Variants in MEI1 observed in about 807,000 individuals in gnomAD.
MEI1 encodes meiosis inhibitor protein 1.
A neutral mutation model predicts 146.2 loss-of-function variants in MEI1; 103 were observed. The ratio of observed to expected loss-of-function variants is 0.70; its 90% confidence interval spans 0.60 to 0.83. The LOEUF (loss-of-function observed/expected upper bound fraction) is 0.83, where lower values mean the gene tolerates loss of function less well. MEI1 is among the 40% of genes least tolerant of loss of function. The probability of loss-of-function intolerance (pLI) is 0.00; values close to 1 mark genes in which losing one functional copy is unlikely to be tolerated. For synonymous variants in MEI1, 652 were observed against 628.2 expected, an observed-to-expected ratio of 1.04 and a Z score of -0.57; for missense variants, 1,529 against 1,533.0, an observed-to-expected ratio of 1.00 and a Z score of 0.04.
chr22:41,749,726 A>G (rs146446034), intron 15 of MEI1, among the ~76,000 whole-genome samples: 2 of 152,204 alleles, frequency 1.3e-5, no homozygotes, highest in African/African-American at 2.4e-5. Flanking sequence ...AGCCTCTTGC[A>G]TTAACTCAGG....
chr22:41,754,054 G>T lies in MEI1; in HGVS notation c.1951+8G>T, dbSNP rs1040710131. 1 of 1,599,286 alleles carries T rather than the reference G, an allele frequency of 6.3e-7. No individual in the cohort carries two copies. Among genetic ancestry groups the T allele is most frequent in the Non-Finnish European group, 8.6e-7 (1 of 1,166,718 alleles). On this transcript the variant is annotated splice_region_variant and intron_variant, in intron 17 of 30. Coordinates refer to ENST00000401548, the MANE Select transcript of MEI1 (RefSeq NM_152513.4). ...GACCACCTTCCAAAGAAGGTAAGATGCTACAATTTGACCACTCATGTGGCC... is the reference window on the plus strand; with the variant it reads ...GACCACCTTCCAAAGAAGGTAAGATTCTACAATTTGACCACTCATGTGGCC...
At chr22:41,762,488 T>A (rs1602001961) in intron 18 of MEI1, among the ~76,000 whole-genome samples, 1 of 151,240 alleles carries the variant, frequency 6.6e-6, no homozygotes, top group African/African-American at 2.4e-5. Flanking sequence ...GATCCTCCCA[T>A]CTCAGCCTCC....
intron 11 of MEI1, among the ~76,000 whole-genome samples, chr22:41,741,725 C>T (rs2072883077): frequency 1.3e-5 from 2 of 152,150 alleles, no homozygotes; most frequent in Admixed American, 1.3e-4. Flanking sequence ...CTTGTAATTC[C>T]AGCACTTTGA....
intron 11 of MEI1, among the ~76,000 whole-genome samples, chr22:41,738,990 A>G (rs1190980933): frequency 2.6e-5 from 4 of 151,722 alleles, no homozygotes; most frequent in African/African-American, 9.7e-5. Context: ...TAAATTATAG[A>G]GGATTTATCA....
In MEI1 at chr22:41,747,735, C is replaced by CA. The variant is rs1569240898; in HGVS notation, c.1681-372_1681-371insA. 1.4e-3 allele frequency among the ~76,000 whole-genome samples: 197 copies of CA among 141,568 alleles called. 1 individual carries two copies. Among genetic ancestry groups the CA allele is most frequent in the Non-Finnish European group, 2.4e-3 (155 of 64,952 alleles). The allele number at this position is 141,568 out of a possible 152,430, so 92.9% of individuals were successfully genotyped here. A position where few individuals can be genotyped will look rare whatever the true frequency, so the allele number is the denominator to read the frequency against. On this transcript the variant is annotated intron_variant, in intron 14 of 30. Coordinates refer to ENST00000401548, the MANE Select transcript of MEI1 (RefSeq NM_152513.4). The stretch of plus-strand genomic sequence containing the variant: ...TAAAAAAAACCCCACCCCCACCCCC[C>CA]CAAAAAAAACAAATATGAAGGCAGT...
intron 3 of MEI1, among the ~76,000 whole-genome samples, chr22:41,713,371 G>A (rs1209660660): frequency 6.6e-6 from 1 of 152,118 alleles, no homozygotes; most frequent in East Asian, 1.9e-4. Context: ...GAGAGCCTGA[G>A]TGGGAGGATT....
At chr22:41,767,082 T>C (rs2074904780) in intron 19 of MEI1, among the ~76,000 whole-genome samples, 1 of 152,122 alleles carries the variant, frequency 6.6e-6, no homozygotes, top group Non-Finnish European at 1.5e-5. Flanking sequence ...ACTGCCTAGA[T>C]GAGGTAGTGC....
chr22:41,798,639 A>G (rs2076462387), intron 30 of MEI1, among the ~76,000 whole-genome samples: 1 of 151,194 alleles, frequency 6.6e-6, no homozygotes, highest in Admixed American at 6.6e-5. Context: ...AGCCAAGGTG[A>G]GTGGATCACT....
intron 8 of MEI1, among the ~76,000 whole-genome samples, chr22:41,730,166 C>T (rs887396321): frequency 2.6e-4 from 40 of 152,094 alleles, no homozygotes; most frequent in Admixed American, 2.4e-3. Flanking sequence ...TAGTCATTGG[C>T]AGAGATGGGA....
At position 41,784,680 on chromosome 22, in the gene MEI1, C is replaced by T; in HGVS notation, c.3242C>T (p.Ser1081Leu). The T allele has an allele frequency of 1.2e-6, 2 of 1,613,562 alleles. No individual in the cohort carries two copies. Among genetic ancestry groups the T allele is most frequent in the South Asian group, 1.1e-5 (1 of 91,064 alleles). ...TCTGCCCTGGTAGCCCTGGTGCCCTCAGGGGCCCAGCCACTGCCAGCCACC... is the reference window on the plus strand; with the variant it reads ...TCTGCCCTGGTAGCCCTGGTGCCCTTAGGGGCCCAGCCACTGCCAGCCACC... ...FSSALVALVP[S>L]GAQPLPATKD... Residue 1081 changes from serine (S) to leucine (L), a missense_variant, in exon 26 of 31, where the codon TCA becomes TTA. By Grantham distance (145) the Ser-to-Leu change is moderately radical (BLOSUM62 -2). Coordinates refer to ENST00000401548, the MANE Select transcript of MEI1 (RefSeq NM_152513.4).
Position 41,745,951 on chromosome 22 carries a change from G to T in MEI1, c.1605G>T (p.Lys535Asn). The T allele has an allele frequency of 6.2e-7, 1 of 1,613,668 alleles. No individual in the cohort carries two copies. Among genetic ancestry groups the T allele is most frequent in the Non-Finnish European group, 8.5e-7 (1 of 1,179,684 alleles). Residue 535 changes from lysine to asparagine, a missense_variant, in exon 14 of 31, where the codon AAG (lysine) becomes AAT (asparagine). Lys to Asn is a moderately conservative substitution (Grantham distance 94). Around this residue, in one of 3 missense-constraint regions of MEI1, gnomAD observed 1,212 missense variants for 1,178.9 expected, o/e 1.03. Transcript: ENST00000401548. ...ATCCATTCACAGCTCCCAGCGCCAAGAAGGAAGACACCTTGGAGGCCTTCT... is the reference window on the plus strand; with the variant it reads ...ATCCATTCACAGCTCCCAGCGCCAATAAGGAAGACACCTTGGAGGCCTTCT... ...QENPFTAPSA[K>N]KEDTLEAFSE...
chr22:41,771,307 G>A (rs2075170470), intron 20 of MEI1, among the ~76,000 whole-genome samples: 4 of 152,212 alleles, frequency 2.6e-5, no homozygotes, highest in Admixed American at 1.3e-4. Flanking sequence ...TAATGTTAAA[G>A]GAAGCCCATG....
chr22:41,706,487 C>A (rs1162712612), intron 3 of MEI1, among the ~76,000 whole-genome samples: 1 of 152,118 alleles, frequency 6.6e-6, no homozygotes, highest in Non-Finnish European at 1.5e-5. Flanking sequence ...AAGGCACATA[C>A]AAAACTCTTT....
rs375446571 is a variant in MEI1 at position 41,718,318 on chromosome 22, C to T, written c.733+44C>T. On this transcript the variant is annotated intron_variant, in intron 6 of 30. Coordinates refer to ENST00000401548, the MANE Select transcript of MEI1 (RefSeq NM_152513.4). ...GAAAAAAGGGAGAATAAGTTTTTGA[C>T]ATTTTGCTAGAAGACTTGAGATATT... 1.1e-4 allele frequency: 167 copies of T among 1,580,200 alleles called. 1 individual carries two copies. The African/African-American group carries it at 2.0e-3, about 19-fold the overall frequency.
chr22:41,795,437 CCT>C lies in MEI1; in HGVS notation c.3567_3568del (p.His1190Ter), dbSNP rs745367184. The C allele has an allele frequency of 1.2e-6, 2 of 1,613,572 alleles. No homozygotes were observed. Among genetic ancestry groups the C allele is most frequent in the East Asian group, 2.2e-5 (1 of 44,834 alleles). Reference protein sequence around the residue: ...LFMRYRSSSVLSHEEVGDVLQ... With the variant: ...LFMRYRSSSVXSHEEVGDVLQ... ...TTATGCGGTACCGGAGTAGCAGTGT[CCT>C]CTCTCATGAAGAGGTGGGTGATGTT... On this transcript the variant is annotated frameshift_variant, in exon 29 of 31. Coordinates refer to ENST00000401548, the MANE Select transcript of MEI1 (RefSeq NM_152513.4). LOFTEE classifies it high-confidence loss of function. The surrounding 1 kb of genome is among the most constrained non-coding windows in gnomAD (Gnocchi z 4.2).
intron 3 of MEI1, among the ~76,000 whole-genome samples, chr22:41,708,185 G>A (rs1394384395): frequency 6.6e-6 from 1 of 152,008 alleles, no homozygotes; most frequent in Admixed American, 6.6e-5. Flanking sequence ...ACCAAAACTT[G>A]TACAAACAAT....
Position 41,784,432 on chromosome 22 carries a change from C to T in MEI1, c.3169+12C>T. The T allele has an allele frequency of 6.2e-7, 1 of 1,613,564 alleles. No individual in the cohort carries two copies. The highest frequency in any genetic ancestry group is 1.3e-5 in the African/African-American group (1 of 75,036). On this transcript the variant is annotated intron_variant, in intron 25 of 30. Coordinates refer to ENST00000401548, the MANE Select transcript of MEI1 (RefSeq NM_152513.4). ...TGCACTACTCTCAGGTATGGGTCCA[C>T]AAGTCTCCAGCAGAAGAAAAGCTTT...
intron 7 of MEI1, among the ~76,000 whole-genome samples, chr22:41,725,870 A>G (rs2071294111): frequency 6.6e-6 from 1 of 152,156 alleles, no homozygotes; most frequent in Non-Finnish European, 1.5e-5. Flanking sequence ...ATCTTTCCCC[A>G]GTGCTCGGCA....
At chr22:41,714,916 G>A (rs1419546195) in intron 4 of MEI1, among the ~76,000 whole-genome samples, 2 of 151,934 alleles carry the variant, frequency 1.3e-5, no homozygotes, top group African/African-American at 2.4e-5. Flanking sequence ...CAGCTTTTGT[G>A]TTGTATTTAA....
Sources: allele counts gnomAD v4.1 joint callset (sites outside exome capture counted in the v4.1 genomes callset), GRCh38; gene constraint gnomAD v4.1.1; regional missense constraint gnomAD v4.1.1; non-coding constraint Gnocchi (gnomAD v3.1); transcripts MANE v1.5; gene names NCBI Gene and HGNC (gene_info 2026-07-23, HGNC 2026-07-21).